Variants in AP1S3 observed in about 807,000 individuals in gnomAD.
AP1S3 encodes the protein adaptor related protein complex 1 subunit sigma 3.
AP1S3 carries 10 observed loss-of-function variants against 20.9 expected under a neutral mutation model. The ratio of observed to expected loss-of-function variants is 0.48; its 90% confidence interval spans 0.29 to 0.81. The LOEUF (loss-of-function observed/expected upper bound fraction) is 0.81. Ranked by LOEUF, AP1S3 falls within the 30% of genes least tolerant of loss-of-function variation. The pLI is 0.08. For missense variants in AP1S3, 154 were observed against 183.8 expected, an observed-to-expected ratio of 0.84 and a Z score of 0.94; for synonymous variants, 41 against 61.5, an observed-to-expected ratio of 0.67 and a Z score of 1.56.
rs1406700342 is a variant in AP1S3 at position 223,757,743 on chromosome 2, G to A, written c.*972C>T. ...GAAAGGGTAAGAAAAGAAAAAAGAA[G>A]GAAAGGAATCTACCATATAGGCTGT... is the stretch of plus-strand genomic sequence containing the variant. On this transcript the variant is annotated 3_prime_UTR_variant, in exon 5 of 5. Transcript: ENST00000396654. 27 of 985,190 alleles carry A rather than the reference G, an allele frequency of 2.7e-5. No homozygotes were observed. The highest frequency in any genetic ancestry group is 3.1e-5 in the Non-Finnish European group (26 of 829,928). The allele number at this position is 985,190 out of a possible 1,614,324, so 61.0% of individuals were successfully genotyped here. A position where few individuals can be genotyped will look rare whatever the true frequency, so the allele number is the denominator to read the frequency against.
intron 1 of AP1S3, among the ~76,000 whole-genome samples, chr2:223,781,621 A>G (rs532122616): frequency 6.6e-6 from 1 of 152,178 alleles, no homozygotes; most frequent in Non-Finnish European, 1.5e-5. Flanking sequence ...CAATAATCAA[A>G]CACTACCTTC....
At chr2:223,832,099 G>T (rs1309738967) in intron 1 of AP1S3, among the ~76,000 whole-genome samples, 2 of 139,748 alleles carry the variant, frequency 1.4e-5, no homozygotes, top group Non-Finnish European at 3.1e-5. Context: ...ATCAAAAAAA[G>T]GACTTATTCT....
At chr2:223,790,497 G>A in intron 1 of AP1S3, among the ~76,000 whole-genome samples, 1 of 152,050 alleles carries the variant, frequency 6.6e-6, no homozygotes, top group East Asian at 1.9e-4. Context: ...GCCTCCCAAA[G>A]TGCTGAGATT....
chr2:223,774,403 TA>T (rs1690712243), intron 3 of AP1S3, among the ~76,000 whole-genome samples: 1 of 89,714 alleles, frequency 1.1e-5, no homozygotes, highest in Admixed American at 1.2e-4. Flanking sequence ...AATAAATAAA[TA>T]AATAAATAAG....
At chr2:223,822,526 A>C (rs1692013809) in intron 1 of AP1S3, among the ~76,000 whole-genome samples, 1 of 152,098 alleles carries the variant, frequency 6.6e-6, no homozygotes, top group Admixed American at 6.6e-5. Flanking sequence ...CTCTACTAAA[A>C]ATACAAAATT....
intron 1 of AP1S3, among the ~76,000 whole-genome samples, chr2:223,787,168 G>A (rs1260604786): frequency 1.3e-5 from 2 of 152,128 alleles, no homozygotes; most frequent in East Asian, 3.8e-4. Flanking sequence ...GCCATGTGAG[G>A]TACTGCTTCC....
chr2:223,813,756 A>G lies in AP1S3; in HGVS notation c.3+23692T>C, dbSNP rs573567576. Among the ~76,000 whole-genome samples, 3 of 152,358 alleles carry G rather than the reference A, an allele frequency of 2.0e-5. No individual in the cohort carries two copies. In the South Asian group the frequency reaches 6.2e-4, roughly 32 times the overall value. ...ACAAATCATCCTCAGAATAGAAGGT[A>G]GTTCCTTGAGTGAAAGAGGTAAGAA... On this transcript the variant is annotated intron_variant, in intron 1 of 4. Transcript: ENST00000396654.
intron 3 of AP1S3, among the ~76,000 whole-genome samples, chr2:223,773,771 C>G (rs375404381): frequency 3.4e-4 from 52 of 152,202 alleles, no homozygotes; most frequent in African/African-American, 1.2e-3. Context: ...AGCAAATTAT[C>G]CTAACACTTA....
intron 1 of AP1S3, among the ~76,000 whole-genome samples, chr2:223,834,995 A>T (rs1393262910): frequency 1.7e-5 from 2 of 118,730 alleles, no homozygotes; most frequent in African/African-American, 3.1e-5. Context: ...GACACAAGAA[A>T]ACTTCACTGT....
intron 1 of AP1S3, among the ~76,000 whole-genome samples, chr2:223,805,019 G>C (rs1332790485): frequency 6.6e-6 from 1 of 152,198 alleles, no homozygotes; most frequent in Non-Finnish European, 1.5e-5. Flanking sequence ...ATATTTATTA[G>C]AGAAACAACA....
intron 1 of AP1S3, among the ~76,000 whole-genome samples, chr2:223,810,971 T>C (rs972929242): frequency 1.3e-5 from 2 of 152,136 alleles, no homozygotes; most frequent in Non-Finnish European, 2.9e-5. Flanking sequence ...AAATTTTTTG[T>C]GATAAAATAT....
chr2:223,764,387 G>T (rs1690429707), intron 4 of AP1S3, among the ~76,000 whole-genome samples: 1 of 152,082 alleles, frequency 6.6e-6, no homozygotes, highest in Admixed American at 6.6e-5. Flanking sequence ...GGAGGGCAGA[G>T]GTCAGTGGGG....
chr2:223,781,119 T>C (rs1276183602), intron 1 of AP1S3, among the ~76,000 whole-genome samples: 1 of 152,118 alleles, frequency 6.6e-6, no homozygotes, highest in Non-Finnish European at 1.5e-5. Context: ...GACATGATTT[T>C]GTTCTTTTTT....
At chr2:223,800,213 TAAA>T (rs59645201) in intron 1 of AP1S3, among the ~76,000 whole-genome samples, 4 of 132,802 alleles carry the variant, frequency 3.0e-5, no homozygotes, top group Non-Finnish European at 3.3e-5. Context: ...AGATTGCGTC[TAAA>T]AAAAAAAAAA....
At position 223,756,681 on chromosome 2, in the gene AP1S3, T is replaced by C. The variant is rs146197556; in HGVS notation, c.*2034A>G. The C allele has an allele frequency of 1.1e-4, 105 of 985,412 alleles. No individual in the cohort carries two copies. The African/African-American group carries it at 1.8e-3, about 17-fold the overall frequency. 61.0% of individuals were successfully genotyped at this position (985,412 alleles called of 1,614,324 possible). A position where few individuals can be genotyped will look rare whatever the true frequency, so the allele number is the denominator to read the frequency against. ...ATATGCTAATCTGAGTTATTTCCTT[T>C]GAACAATGGTTATATTGAGGAATTG... is the stretch of plus-strand genomic sequence containing the variant. On this transcript the variant is annotated 3_prime_UTR_variant, in exon 5 of 5. Transcript: ENST00000396654.
In AP1S3 at chr2:223,757,473, A is replaced by G. The variant is rs1690249260; in HGVS notation, c.*1242T>C. On this transcript the variant is annotated 3_prime_UTR_variant, in exon 5 of 5. Transcript: ENST00000396654. ...GGCCTAATTTTTGTATTTTTAGTAG[A>G]GATGGGGTTTCATCATATTGGCCAG... 2.2e-6 allele frequency: 1 copy of G among 449,304 alleles called. No homozygotes were observed. The highest frequency in any genetic ancestry group is 2.9e-6 in the Non-Finnish European group (1 of 340,468). The allele number at this position is 449,304 out of a possible 1,614,324, so 27.8% of individuals were successfully genotyped here. A position where few individuals can be genotyped will look rare whatever the true frequency, so the allele number is the denominator to read the frequency against.
intron 1 of AP1S3, among the ~76,000 whole-genome samples, chr2:223,817,775 C>T (rs1163772645): frequency 6.6e-6 from 1 of 151,790 alleles, no homozygotes; most frequent in East Asian, 1.9e-4. Context: ...ACTATTTGGC[C>T]CACTAACTCT....
At chr2:223,785,214 C>T (rs1347673109) in intron 1 of AP1S3, among the ~76,000 whole-genome samples, 2 of 152,014 alleles carry the variant, frequency 1.3e-5, no homozygotes, top group South Asian at 2.1e-4. Flanking sequence ...TGGTGGTGGA[C>T]GCCTGTAATC....
chr2:223,834,986 A>C (rs2106046493), intron 1 of AP1S3, among the ~76,000 whole-genome samples: 1 of 127,500 alleles, frequency 7.8e-6, no homozygotes, highest in South Asian at 2.4e-4. Context: ...GCTTATGTAG[A>C]CACAAGAAAA....
Sources: gnomAD v4.1 joint callset for allele counts (sites outside exome capture counted in the v4.1 genomes callset) on GRCh38, gnomAD v4.1.1 for gene constraint, MANE v1.5 for transcripts, NCBI Gene and HGNC (gene_info 2026-07-23, HGNC 2026-07-21) for gene names.